Variants in METTL27 observed in about 807,000 individuals in gnomAD.
METTL27 encodes the protein methyltransferase-like protein 27.
METTL27 carries 29 observed loss-of-function variants against 24.5 expected under a neutral mutation model. The observed-to-expected ratio is 1.18, with a 90% CI of 0.88 to 1.61. The LOEUF (loss-of-function observed/expected upper bound fraction) is 1.61. METTL27 is among the 40% of genes most tolerant of loss of function. METTL27 has a pLI of 0.00. For missense variants in METTL27, 341 were observed against 324.3 expected, an observed-to-expected ratio of 1.05 and a Z score of -0.40; for synonymous variants, 138 against 146.8, an observed-to-expected ratio of 0.94 and a Z score of 0.43.
chr7:73,839,180 G>A (rs1213633438), intron 5 of METTL27, among the ~76,000 whole-genome samples: 3 of 152,230 alleles, frequency 2.0e-5, no homozygotes, highest in Non-Finnish European at 2.9e-5. Flanking sequence ...CTACTTGGGA[G>A]CCTGAGGCAG....
intron 5 of METTL27, among the ~76,000 whole-genome samples, chr7:73,837,325 AAT>A (rs1491043376): frequency 2.1e-5 from 3 of 145,972 alleles, no homozygotes; most frequent in Non-Finnish European, 3.0e-5. Context: ...AATAAAAAAA[AAT>A]AAAAAGTCAA....
chr7:73,841,410 A>G (rs1788351470), intron 2 of METTL27, among the ~76,000 whole-genome samples: 1 of 150,156 alleles, frequency 6.7e-6, no homozygotes. Context: ...TGTACAGTAG[A>G]CTCAGCCCTC....
chr7:73,840,376 G>A (rs1554636104), intron 4 of METTL27, 38 bp downstream of exon 4: 1 of 1,553,160 alleles, frequency 6.4e-7, no homozygotes, highest in South Asian at 1.2e-5. Context: ...GGCTTCATGA[G>A]GGTGGGCCTC....
intron 5 of METTL27, 185 bp downstream of exon 5, chr7:73,839,846 C>T: frequency 1.9e-6 from 1 of 534,826 alleles, no homozygotes; most frequent in South Asian, 3.3e-5. Flanking sequence ...GGCCACCTGT[C>T]TGCCCGGCCT....
chr7:73,842,286 G>T (rs984379734), intron 1 of METTL27, 142 bp from the exon 2 acceptor site: 8 of 1,359,938 alleles, frequency 5.9e-6, no homozygotes, highest in Non-Finnish European at 6.8e-6. Context: ...CCCAGATGGG[G>T]ACACTGAGCG....
In METTL27 at chr7:73,840,215, G is replaced by A; in HGVS notation, c.389-95C>T. ...TCAGACCACCCTAGGGGTGGGACGAGGCTACTACCCGCATCTGCAGGACCC... is the reference window on the plus strand; with the variant it reads ...TCAGACCACCCTAGGGGTGGGACGAAGCTACTACCCGCATCTGCAGGACCC... On this transcript the variant is annotated intron_variant, in intron 4 of 5. Transcript: ENST00000297873. The A allele has an allele frequency of 3.4e-6, 5 of 1,475,946 alleles. No homozygotes were observed. In the South Asian group the frequency reaches 6.5e-5, roughly 19 times the overall value. The allele number at this position is 1,475,946 out of a possible 1,614,324, so 91.4% of individuals were successfully genotyped here.
chr7:73,838,175 C>T (rs1400722379), intron 5 of METTL27, among the ~76,000 whole-genome samples: 1 of 152,040 alleles, frequency 6.6e-6, no homozygotes, highest in Non-Finnish European at 1.5e-5. Context: ...CGTAATTCTC[C>T]TGGATTGAGG....
At chr7:73,839,913 TG>T in intron 5 of METTL27, 117 bp downstream of exon 5, 1 of 903,874 alleles carries the variant, frequency 1.1e-6, no homozygotes, top group Non-Finnish European at 1.6e-6. Context: ...TGTGTGACGC[TG>T]GGCAGGACGC....
chr7:73,836,405 G>A (rs1348204045), intron 5 of METTL27, among the ~76,000 whole-genome samples: 1 of 143,588 alleles, frequency 7.0e-6, no homozygotes, highest in African/African-American at 2.6e-5. Context: ...GAGGGAGGTG[G>A]GGGGGTCAGC....
intron 3 of METTL27, 131 bp from the exon 4 acceptor site, chr7:73,840,680 A>G (rs2130558773): frequency 1.5e-6 from 2 of 1,302,572 alleles, no homozygotes; most frequent in Non-Finnish European, 2.0e-6. Flanking sequence ...AATTTTTGAG[A>G]CAAGGTCTCT....
chr7:73,841,129 G>A lies in METTL27; in HGVS notation c.193C>T (p.Pro65Ser). 1 of 1,539,124 alleles carries A rather than the reference G, an allele frequency of 6.5e-7. No individual in the cohort carries two copies. Among genetic ancestry groups the A allele is most frequent in the Admixed American group, 2.3e-5 (1 of 42,650 alleles). ...VDCLTQALPG[P>S]PHSALILDVA... ...TCCAGGATCAGGGCACTGTGGGGCG[G>A]GCCTGGAAGGGCTTGTGTGAGGCAG... The change falls in exon 3 of 6, where the codon CCG becomes TCG. Residue 65 changes from proline to serine, a missense_variant. Pro to Ser is a moderately conservative substitution (Grantham distance 74). Coordinates refer to ENST00000297873, the MANE Select transcript of METTL27 (RefSeq NM_152559.3).
At chr7:73,839,401 A>C (rs782486846) in intron 5 of METTL27, among the ~76,000 whole-genome samples, 1 of 152,212 alleles carries the variant, frequency 6.6e-6, no homozygotes, top group Non-Finnish European at 1.5e-5. Flanking sequence ...TTGGAGATCA[A>C]GGCCCAGAGG....
chr7:73,834,783 G>A lies in METTL27; in HGVS notation c.698C>T (p.Thr233Ile). The A allele has an allele frequency of 6.2e-7, 1 of 1,614,140 alleles. No individual in the cohort carries two copies. Residue 233 changes from threonine (T) to isoleucine (I), a missense_variant, in exon 6 of 6, where the codon ACC (threonine) becomes ATC (isoleucine). Coordinates refer to ENST00000297873, the MANE Select transcript of METTL27 (RefSeq NM_152559.3). ...GGGTCGCCTTCCACTTTCGGTACAG[G>A]TAGACAATGCCGGAGATGAAGCCAT... The part of the protein sequence containing the change: ...PRMASSPALS[T>I]CTESGRRPRL...
chr7:73,837,966 C>T (rs1788253965), intron 5 of METTL27, among the ~76,000 whole-genome samples: 4 of 152,038 alleles, frequency 2.6e-5, no homozygotes, highest in Admixed American at 2.6e-4. Flanking sequence ...CCTCCCACCT[C>T]AGCCTCCTGA....
At chr7:73,839,751 A>G (rs1788297587) in intron 5 of METTL27, 3 of 416,444 alleles carry the variant, frequency 7.2e-6, no homozygotes, top group Non-Finnish European at 1.3e-5. Flanking sequence ...TGTAGCATTT[A>G]TACCACCTGA....
At chr7:73,835,745 C>T (rs1788156130) in intron 5 of METTL27, among the ~76,000 whole-genome samples, 1 of 81,270 alleles carries the variant, frequency 1.2e-5, no homozygotes, top group Non-Finnish European at 3.1e-5. Context: ...TCCGCCCGGC[C>T]GCCATCCGAC....
At chr7:73,836,389 G>C in intron 5 of METTL27, among the ~76,000 whole-genome samples, 1 of 91,672 alleles carries the variant, frequency 1.1e-5, no homozygotes, top group Non-Finnish European at 2.5e-5. Flanking sequence ...CAGCCGCCCA[G>C]TCCGGGAGGG....
rs558775915 is a variant in METTL27, at chr7:73,834,919, C to G, written c.562G>C (p.Glu188Gln). The part of the protein sequence containing the change: ...EALEATLDRL[E>Q]QAGMWEGLVA... ...AGGCCTTCCCACATCCCAGCCTGCT[C>G]CAGCCTGTCCAGGGTGGCCTCCAGA... is the stretch of plus-strand genomic sequence containing the variant. Residue 188 changes from glutamate to glutamine, a missense_variant, in exon 6 of 6, where the codon GAG becomes CAG. By Grantham distance (29) the Glu-to-Gln change is conservative. Coordinates refer to ENST00000297873, the MANE Select transcript of METTL27 (RefSeq NM_152559.3). The G allele has an allele frequency of 2.0e-5, 33 of 1,614,094 alleles. No homozygotes were observed. The East Asian group carries it at 6.5e-4, about 32-fold the overall frequency.
At chr7:73,841,839 C>G (rs1236826023) in intron 2 of METTL27, among the ~76,000 whole-genome samples, 179 bp downstream of exon 2, 5 of 152,078 alleles carry the variant, frequency 3.3e-5, no homozygotes, top group African/African-American at 1.2e-4. Context: ...GTCATGGCCC[C>G]TGATGGGGCT....
Sources: gnomAD v4.1 joint callset for allele counts (sites outside exome capture counted in the v4.1 genomes callset) on GRCh38, gnomAD v4.1.1 for gene constraint, MANE v1.5 for transcripts, NCBI Gene and HGNC (gene_info 2026-07-23, HGNC 2026-07-21) for gene names.